The following LCLAT1 variants were observed in gnomAD, a reference collection of about 807,000 sequenced individuals.
The protein encoded by LCLAT1 is 1-AGP acyltransferase 8.
A neutral mutation model predicts 30.7 loss-of-function variants in LCLAT1; 11 were observed. The ratio of observed to expected loss-of-function variants is 0.36; its 90% confidence interval spans 0.23 to 0.59. The LOEUF (loss-of-function observed/expected upper bound fraction) is 0.59, where lower values mean the gene tolerates loss of function less well. Ranked by LOEUF, LCLAT1 falls within the 20% of genes least tolerant of loss-of-function variation. LCLAT1 has a pLI of 0.77. For missense variants in LCLAT1, 402 were observed against 458.6 expected (o/e 0.88, Z 1.13); for synonymous variants, 155 against 151.3 (o/e 1.02, Z -0.18).
intron 4 of LCLAT1, among the ~76,000 whole-genome samples, chr2:30,565,917 G>A (rs1219848750): frequency 6.6e-6 from 1 of 152,170 alleles, no homozygotes; most frequent in East Asian, 1.9e-4. Context: ...ATGGGTGAAA[G>A]GCATTCTGGG....
At position 30,640,175 on chromosome 2, in the gene LCLAT1, A is replaced by G; in HGVS notation, c.687A>G (p.Gln229=). The stretch of plus-strand genomic sequence containing the variant: ...TGGCGTATCCTCACAACATTCCTCA[A>G]TCAGAGAAGCACCTCCTCCAAGGAG... ...ITVAYPHNIP[Q]SEKHLLQGDF... The change falls in exon 6 of 6, where the codon CAA becomes CAG. Residue 229 remains glutamine, a synonymous_variant. Transcript: ENST00000379509. The G allele has an allele frequency of 6.2e-7, 1 of 1,614,074 alleles. No homozygotes were observed. The highest frequency in any genetic ancestry group is 8.5e-7 in the Non-Finnish European group (1 of 1,179,988).
intron 3 of LCLAT1, among the ~76,000 whole-genome samples, chr2:30,561,107 A>G (rs543853534): frequency 2.3e-4 from 35 of 151,954 alleles, no homozygotes; most frequent in Non-Finnish European, 4.4e-4. Context: ...ACGCCTGGCT[A>G]ATTTTTTGTA....
At chr2:30,484,406 G>GTAT (rs1047532990) in intron 1 of LCLAT1, among the ~76,000 whole-genome samples, 2 of 152,012 alleles carry the variant, frequency 1.3e-5, no homozygotes, top group Non-Finnish European at 2.9e-5. Flanking sequence ...AATAATTCTG[G>GTAT]TATTATTATT....
chr2:30,521,190 C>T (rs1326721873), intron 1 of LCLAT1, among the ~76,000 whole-genome samples: 1 of 152,194 alleles, frequency 6.6e-6, no homozygotes. Flanking sequence ...AGAAGTTACC[C>T]TATAAGGTCT....
At chr2:30,516,390 A>G (rs748855715) in intron 1 of LCLAT1, among the ~76,000 whole-genome samples, 1 of 152,168 alleles carries the variant, frequency 6.6e-6, no homozygotes, top group Non-Finnish European at 1.5e-5. Flanking sequence ...GGATCCGGCA[A>G]GGTGTCTGCT....
intron 5 of LCLAT1, among the ~76,000 whole-genome samples, chr2:30,635,797 A>G (rs1668996168): frequency 6.6e-6 from 1 of 152,214 alleles, no homozygotes; most frequent in Admixed American, 6.5e-5. Context: ...TAGTTCACCA[A>G]ATTGTTAACA....
At chr2:30,535,547 T>C (rs888670893) in intron 3 of LCLAT1, among the ~76,000 whole-genome samples, 1 of 152,202 alleles carries the variant, frequency 6.6e-6, no homozygotes, top group Non-Finnish European at 1.5e-5. Context: ...TAGACACCAA[T>C]GATGTTGATA....
Position 30,640,277 on chromosome 2 carries a change from A to C in LCLAT1, c.789A>C (p.Gln263His), listed in dbSNP as rs748227431. The change falls in exon 6 of 6, where the codon CAA (glutamine) becomes CAC (histidine). Residue 263 changes from glutamine (Q) to histidine (H), a missense_variant. By Grantham distance (24) the Gln-to-His change is conservative (BLOSUM62 0). Coordinates refer to ENST00000379509, the MANE Select transcript of LCLAT1 (RefSeq NM_001002257.3). Reference protein sequence around the residue: ...DTLPTSKEDLQLWCHKRWEEK... With the variant: ...DTLPTSKEDLHLWCHKRWEEK... Reference sequence around the variant, plus strand: ...TCCCCACATCCAAGGAGGACCTTCAACTCTGGTGCCACAAACGGTGGGAAG... The same window carrying C: ...TCCCCACATCCAAGGAGGACCTTCACCTCTGGTGCCACAAACGGTGGGAAG... The C allele has an allele frequency of 6.2e-7, 1 of 1,614,112 alleles. No homozygotes were observed. The highest frequency in any genetic ancestry group is 1.7e-5 in the Admixed American group (1 of 60,022).
At chr2:30,603,468 T>C (rs1164034685) in intron 5 of LCLAT1, among the ~76,000 whole-genome samples, 1 of 150,882 alleles carries the variant, frequency 6.6e-6, no homozygotes, top group Non-Finnish European at 1.5e-5. Context: ...CTTCAATTTT[T>C]GCTTTTTTTT....
intron 1 of LCLAT1, among the ~76,000 whole-genome samples, chr2:30,519,373 A>G (rs538675204): frequency 5.9e-5 from 9 of 152,328 alleles, no homozygotes; most frequent in African/African-American, 2.2e-4. Flanking sequence ...GATGACATCA[A>G]AGGCTCCCCT....
At chr2:30,570,995 A>AGAAAGGGG (rs1665753551) in intron 5 of LCLAT1, among the ~76,000 whole-genome samples, 1 of 152,208 alleles carries the variant, frequency 6.6e-6, no homozygotes, top group Admixed American at 6.5e-5. Flanking sequence ...TCTAAGACTC[A>AGAAAGGGG]CAAAGGGGCC....
At chr2:30,626,317 C>T (rs773654541) in intron 5 of LCLAT1, among the ~76,000 whole-genome samples, 3 of 152,136 alleles carry the variant, frequency 2.0e-5, no homozygotes, top group Non-Finnish European at 4.4e-5. Flanking sequence ...TACTTTGTTA[C>T]TGCTCTTGTT....
chr2:30,532,295 G>A (rs535388787), intron 2 of LCLAT1, among the ~76,000 whole-genome samples: 3 of 151,854 alleles, frequency 2.0e-5, no homozygotes, highest in African/African-American at 4.8e-5. Flanking sequence ...CATGATATTC[G>A]CCAAGAGAAC....
At chr2:30,476,141 G>C (rs1484193316) in intron 1 of LCLAT1, among the ~76,000 whole-genome samples, 2 of 152,192 alleles carry the variant, frequency 1.3e-5, no homozygotes, top group African/African-American at 4.8e-5. Flanking sequence ...ATGAAATAAA[G>C]TAGCTAACCT....
intron 5 of LCLAT1, among the ~76,000 whole-genome samples, chr2:30,613,452 G>T (rs1667835970): frequency 6.6e-6 from 1 of 152,106 alleles, no homozygotes; most frequent in Admixed American, 6.6e-5. Context: ...CTGGATTCTA[G>T]ATACATTTTA....
chr2:30,525,616 T>G lies in LCLAT1; in HGVS notation c.26T>G (p.Phe9Cys). The G allele has an allele frequency of 6.2e-7, 1 of 1,613,970 alleles. No homozygotes were observed. The highest frequency in any genetic ancestry group is 2.2e-5 in the East Asian group (1 of 44,884). Residue 9 changes from phenylalanine to cysteine, a missense_variant, in exon 2 of 6, where the codon TTT (phenylalanine) becomes TGT (cysteine). Phe to Cys is a radical substitution (Grantham distance 205, BLOSUM62 -2). Coordinates refer to ENST00000379509, the MANE Select transcript of LCLAT1 (RefSeq NM_001002257.3). ...ATGGTGTCATGGAAAGGGATTTACT[T>G]TATACTGACTCTGTTTTGGGGAAGC... is the stretch of plus-strand genomic sequence containing the variant. MVSWKGIYFILTLFWGSFF... is the reference protein window; with the variant it reads MVSWKGIYCILTLFWGSFF...
At chr2:30,493,585 A>G (rs904099096) in intron 1 of LCLAT1, among the ~76,000 whole-genome samples, 1 of 152,120 alleles carries the variant, frequency 6.6e-6, no homozygotes, top group Admixed American at 6.6e-5. Flanking sequence ...AAATGTTAAT[A>G]TGTGTGTAGT....
At chr2:30,560,325 T>TGTGC (rs34182373) in intron 3 of LCLAT1, among the ~76,000 whole-genome samples, 1 of 142,290 alleles carries the variant, frequency 7.0e-6, no homozygotes, top group Non-Finnish European at 1.5e-5. Context: ...TGTGTGTGTG[T>TGTGC]ATTATTTATT....
chr2:30,552,924 A>G (rs918627515), intron 3 of LCLAT1, among the ~76,000 whole-genome samples: 1 of 152,150 alleles, frequency 6.6e-6, no homozygotes, highest in African/African-American at 2.4e-5. Flanking sequence ...TTGCATCCAC[A>G]TCGTTTATTC....
Sources: allele counts gnomAD v4.1 joint callset (sites outside exome capture counted in the v4.1 genomes callset), GRCh38; gene constraint gnomAD v4.1.1; transcripts MANE v1.5; gene names NCBI Gene and HGNC (gene_info 2026-07-23, HGNC 2026-07-21).